Variants in OSBPL1A observed in about 807,000 individuals in gnomAD.
OSBPL1A encodes oxysterol-binding protein-related protein 1.
OSBPL1A carries 80 observed loss-of-function variants against 137.1 expected under a neutral mutation model. The observed-to-expected ratio is 0.58, with a 90% CI of 0.49 to 0.70. OSBPL1A has a LOEUF of 0.70. OSBPL1A is among the 30% of genes least tolerant of loss of function. OSBPL1A has a pLI of 0.00. For synonymous variants in OSBPL1A, 365 were observed against 389.7 expected (o/e 0.94, Z 0.75); for missense variants, 970 against 1,129.4 (o/e 0.86, Z 2.02).
At chr18:24,297,408 T>C (rs139813718) in intron 14 of OSBPL1A, among the ~76,000 whole-genome samples, 2 of 152,324 alleles carry the variant, frequency 1.3e-5, no homozygotes, top group East Asian at 3.9e-4. Context: ...ATCTCACTAA[T>C]GGTCTATCAA....
At chr18:24,169,973 T>G (rs1196533269) in intron 24 of OSBPL1A, among the ~76,000 whole-genome samples, 2 of 152,244 alleles carry the variant, frequency 1.3e-5, no homozygotes, top group African/African-American at 4.8e-5. Flanking sequence ...GAGAGACTTT[T>G]GGAGGAAATT....
chr18:24,345,572 G>C (rs531845098), intron 4 of OSBPL1A, among the ~76,000 whole-genome samples: 23 of 152,266 alleles, frequency 1.5e-4, no homozygotes, highest in African/African-American at 5.5e-4. Context: ...TGTAGTCCCA[G>C]CTATTTGGGA....
intron 7 of OSBPL1A, 140 bp from the exon 8 acceptor site, chr18:24,318,949 G>A: frequency 2.8e-6 from 2 of 721,378 alleles, no homozygotes; most frequent in Non-Finnish European, 4.7e-6. Context: ...ACCTACCAGA[G>A]AGAGGTTGCC....
intron 17 of OSBPL1A, among the ~76,000 whole-genome samples, chr18:24,199,921 G>A (rs756520681): frequency 2.6e-5 from 4 of 152,116 alleles, no homozygotes; most frequent in East Asian, 1.9e-4. Flanking sequence ...CACCTACAAC[G>A]TCAGCAGTGC....
chr18:24,247,887 G>A (rs1276440133), intron 15 of OSBPL1A, among the ~76,000 whole-genome samples: 1 of 152,186 alleles, frequency 6.6e-6, no homozygotes, highest in East Asian at 1.9e-4. Flanking sequence ...GTTGCTGGAA[G>A]GGGTTGTGGG....
intron 17 of OSBPL1A, among the ~76,000 whole-genome samples, chr18:24,213,938 C>T (rs1018776837): frequency 2.0e-5 from 3 of 152,166 alleles, no homozygotes; most frequent in Non-Finnish European, 4.4e-5. Flanking sequence ...AGAATCTTCA[C>T]ATTTGAAAGC....
intron 21 of OSBPL1A, among the ~76,000 whole-genome samples, chr18:24,177,791 A>G (rs1320874018): frequency 6.6e-6 from 1 of 152,272 alleles, no homozygotes; most frequent in African/African-American, 2.4e-5. Flanking sequence ...TCCAAACACC[A>G]GAGTCAAAAA....
intron 17 of OSBPL1A, among the ~76,000 whole-genome samples, chr18:24,221,959 T>C (rs1034595171): frequency 1.3e-5 from 2 of 152,214 alleles, no homozygotes; most frequent in Non-Finnish European, 2.9e-5. Flanking sequence ...CAAACTTTCT[T>C]ACTCTAATAA....
intron 14 of OSBPL1A, among the ~76,000 whole-genome samples, chr18:24,288,949 G>A (rs1050885337): frequency 1.3e-5 from 2 of 152,058 alleles, no homozygotes; most frequent in Non-Finnish European, 2.9e-5. Flanking sequence ...AGCTAATCTC[G>A]GAAGCTAAGC....
intron 12 of OSBPL1A, among the ~76,000 whole-genome samples, chr18:24,313,601 C>G (rs559502900): frequency 6.6e-6 from 1 of 152,294 alleles, no homozygotes; most frequent in South Asian, 2.1e-4. Flanking sequence ...CACTCACAAG[C>G]TGCCTGGCCT....
intron 4 of OSBPL1A, among the ~76,000 whole-genome samples, chr18:24,347,115 C>T (rs1365441060): frequency 2.0e-5 from 3 of 152,084 alleles, no homozygotes; most frequent in African/African-American, 7.2e-5. Context: ...GAAAGATATA[C>T]TTTTTCTATA....
chr18:24,164,932 G>T, intron 27 of OSBPL1A, 133 bp downstream of exon 27: 2 of 840,122 alleles, frequency 2.4e-6, no homozygotes, highest in Non-Finnish European at 3.8e-6. Flanking sequence ...TTTTTTTCAG[G>T]CCTGGGACAA....
At chr18:24,276,950 C>G (rs2089858696) in intron 15 of OSBPL1A, among the ~76,000 whole-genome samples, 1 of 152,166 alleles carries the variant, frequency 6.6e-6, no homozygotes, top group African/African-American at 2.4e-5. Flanking sequence ...TTTACTCTGA[C>G]TGGACATAAT....
At chr18:24,218,945 A>G (rs575436315) in intron 17 of OSBPL1A, among the ~76,000 whole-genome samples, 3 of 152,272 alleles carry the variant, frequency 2.0e-5, no homozygotes, top group Non-Finnish European at 2.9e-5. Flanking sequence ...TTGTTAGTTA[A>G]AAAGCTATGT....
chr18:24,306,944 C>T (rs1221986383), intron 13 of OSBPL1A, among the ~76,000 whole-genome samples: 1 of 151,936 alleles, frequency 6.6e-6, no homozygotes, highest in African/African-American at 2.4e-5. Context: ...TAACTCCAGC[C>T]AAATCCACTT....
chr18:24,314,694 C>T (rs996986821), intron 11 of OSBPL1A, among the ~76,000 whole-genome samples: 1 of 152,084 alleles, frequency 6.6e-6, no homozygotes, highest in African/African-American at 2.4e-5. Context: ...ATACCCGTCG[C>T]CTTACCTTTT....
At chr18:24,224,778 CT>C (rs2088012603) in intron 17 of OSBPL1A, among the ~76,000 whole-genome samples, 2 of 152,270 alleles carry the variant, frequency 1.3e-5, no homozygotes, top group Non-Finnish European at 2.9e-5. Context: ...TCTGAATAAC[CT>C]TTCTAAATCA....
At chr18:24,388,333 G>T (rs1219210265) in intron 1 of OSBPL1A, among the ~76,000 whole-genome samples, 1 of 152,134 alleles carries the variant, frequency 6.6e-6, no homozygotes, top group East Asian at 1.9e-4. Flanking sequence ...CCAAATATTA[G>T]TTAACCGGAT....
At chr18:24,358,459 C>T in intron 4 of OSBPL1A, 1 of 702,350 alleles carries the variant, frequency 1.4e-6, no homozygotes, top group South Asian at 1.5e-5. Context: ...GCCACGAGCA[C>T]TCCATAAACC....
Sources: gnomAD v4.1 joint callset for allele counts (sites outside exome capture counted in the v4.1 genomes callset) on GRCh38, gnomAD v4.1.1 for gene constraint, MANE v1.5 for transcripts, NCBI Gene and HGNC (gene_info 2026-07-23, HGNC 2026-07-21) for gene names.